UNC5A: variants seen among roughly 807,000 people sequenced by gnomAD.
UNC5A encodes unc-5 netrin receptor A.
A neutral mutation model predicts 87.4 loss-of-function variants in UNC5A; 20 were observed. That is an observed-to-expected ratio of 0.23 (90% CI 0.16 to 0.33). UNC5A has a LOEUF of 0.33. UNC5A is among the 10% of genes least tolerant of loss of function. The pLI is 1.00. For missense variants in UNC5A, 844 were observed against 1,133.4 expected (o/e 0.74, Z 3.67); for synonymous variants, 438 against 482.3 (o/e 0.91, Z 1.20).
At chr5:176,834,116 C>T (rs987389630) in intron 1 of UNC5A, among the ~76,000 whole-genome samples, 16 of 152,174 alleles carry the variant, frequency 1.1e-4, no homozygotes, top group Admixed American at 6.5e-5. Context: ...TGGAGCACCG[C>T]GGAGCTGTGT....
Position 176,869,062 on chromosome 5 carries a change from G to A in UNC5A, c.721+98G>A, listed in dbSNP as rs1758045609. The A allele has an allele frequency of 6.6e-6, 9 of 1,362,730 alleles. No individual in the cohort carries two copies. Among genetic ancestry groups the A allele is most frequent in the Non-Finnish European group, 7.9e-6 (8 of 1,015,640 alleles). 84.4% of individuals were successfully genotyped at this position (1,362,730 alleles called of 1,614,324 possible). A position where few individuals can be genotyped will look rare whatever the true frequency, so the allele number is the denominator to read the frequency against. On this transcript the variant is annotated intron_variant, in intron 5 of 14. Coordinates refer to ENST00000329542, the MANE Select transcript of UNC5A (RefSeq NM_133369.3). The surrounding 1 kb of genome is among the most constrained non-coding windows in gnomAD (Gnocchi z 9.1). ...GGTGAAGAGAGGCCATGAGGCCAAAGCCAGGTGGACCAGATCGTGCCTGAC... is the reference window on the plus strand; with the variant it reads ...GGTGAAGAGAGGCCATGAGGCCAAAACCAGGTGGACCAGATCGTGCCTGAC...
intron 6 of UNC5A, among the ~76,000 whole-genome samples, 182 bp downstream of exon 6, chr5:176,870,716 C>T (rs1758089522): frequency 6.6e-6 from 1 of 151,952 alleles, no homozygotes; most frequent in South Asian, 2.1e-4. Context: ...CGCGCCCCAC[C>T]ACCTCCCATG....
At position 176,846,363 on chromosome 5, in the gene UNC5A, TG is replaced by T. The variant is rs551924209; in HGVS notation, c.71-16255del. 2.5e-3 allele frequency among the ~76,000 whole-genome samples: 348 copies of T among 140,576 alleles called. 3 individuals are homozygous for T. The highest frequency in any genetic ancestry group is 9.7e-3 in the African/African-American group (339 of 35,084). 92.2% of individuals were successfully genotyped at this position (140,576 alleles called of 152,430 possible). ...GAGCCAGGAATGGGATTAAGGTGGG[TG>T]GGGGGAGCTGAGTAGGGAGGGGGAA... On this transcript the variant is annotated intron_variant, in intron 1 of 14. Coordinates refer to ENST00000329542, the MANE Select transcript of UNC5A (RefSeq NM_133369.3).
At chr5:176,852,512 C>T (rs1442629648) in intron 1 of UNC5A, among the ~76,000 whole-genome samples, 1 of 152,218 alleles carries the variant, frequency 6.6e-6, no homozygotes, top group Admixed American at 6.5e-5. Flanking sequence ...TATTTAATTG[C>T]AGCTTATTAA....
intron 1 of UNC5A, among the ~76,000 whole-genome samples, chr5:176,815,704 G>A (rs1756570802): frequency 6.6e-6 from 1 of 152,194 alleles, no homozygotes; most frequent in Non-Finnish European, 1.5e-5. Flanking sequence ...CCGCATCAGG[G>A]CCCGAGCCCA....
rs1371771328 is a variant in UNC5A, at chr5:176,848,589, C to T, written c.71-14035C>T. On this transcript the variant is annotated intron_variant, in intron 1 of 14. Coordinates refer to ENST00000329542, the MANE Select transcript of UNC5A (RefSeq NM_133369.3). This position sits in a 1 kb window ranked among gnomAD's most constrained non-coding sequence, Gnocchi z 5.8. ...TGTCTCATCAGGGGTGTGATGGGAG[C>T]GGCCAGACACCCTATTCCCAGATGG... Among the ~76,000 whole-genome samples, 2 of 152,100 alleles carry T rather than the reference C, an allele frequency of 1.3e-5. No homozygotes were observed. Among genetic ancestry groups the T allele is most frequent in the Non-Finnish European group, 2.9e-5 (2 of 68,016 alleles).
At chr5:176,861,105 C>T (rs1027208542) in intron 1 of UNC5A, among the ~76,000 whole-genome samples, 9 of 152,234 alleles carry the variant, frequency 5.9e-5, no homozygotes, top group African/African-American at 2.2e-4. Flanking sequence ...CCTGCCAGCT[C>T]TGTGCCTCAG....
intron 1 of UNC5A, among the ~76,000 whole-genome samples, chr5:176,830,724 G>A (rs1398605549): frequency 1.4e-5 from 1 of 70,824 alleles, no homozygotes; most frequent in African/African-American, 3.3e-5. Context: ...GTGCTGGCAT[G>A]TATGTGTGGG....
chr5:176,860,628 C>G lies in UNC5A; in HGVS notation c.71-1996C>G, dbSNP rs772227426. ...GGACCCCCTCGGGCCTCAGGTTCCC[C>G]GTCAATAAGGTGTCTTGGTCCCACC... On this transcript the variant is annotated intron_variant, in intron 1 of 14. Transcript: ENST00000329542. Among the ~76,000 whole-genome samples, 13 of 152,052 alleles carry G rather than the reference C, an allele frequency of 8.5e-5. No homozygotes were observed. In the East Asian group the frequency reaches 1.5e-3, roughly 18 times the overall value.
At chr5:176,847,349 G>A (rs1018454002) in intron 1 of UNC5A, among the ~76,000 whole-genome samples, 1 of 152,288 alleles carries the variant, frequency 6.6e-6, no homozygotes, top group East Asian at 1.9e-4. Context: ...GGTCCGGCTG[G>A]CTGACCCCGC....
At chr5:176,862,895 C>T (rs372271999) in intron 2 of UNC5A, 50 bp downstream of exon 2, 63 of 1,603,002 alleles carry the variant, frequency 3.9e-5, no homozygotes, top group African/African-American at 3.6e-4. Context: ...AGGCGAGTTT[C>T]GGCCCCCCCA....
intron 1 of UNC5A, among the ~76,000 whole-genome samples, chr5:176,856,389 C>T (rs1184488462): frequency 2.0e-5 from 3 of 152,192 alleles, no homozygotes; most frequent in African/African-American, 7.2e-5. Flanking sequence ...CTGGGTCTCT[C>T]CACAGACCAG....
chr5:176,870,622 C>T, intron 6 of UNC5A, 88 bp downstream of exon 6: 2 of 1,420,080 alleles, frequency 1.4e-6, no homozygotes, highest in Admixed American at 2.4e-5. Flanking sequence ...GGGAGCTATT[C>T]TCCTGCCAAA....
At chr5:176,833,967 G>A (rs1757087441) in intron 1 of UNC5A, among the ~76,000 whole-genome samples, 1 of 152,050 alleles carries the variant, frequency 6.6e-6, no homozygotes, top group Non-Finnish European at 1.5e-5. Context: ...GCCTCCCAAA[G>A]TGCTGGGATT....
Position 176,878,520 on chromosome 5 carries a change from C to T in UNC5A, c.2065C>T (p.His689Tyr), listed in dbSNP as rs1322632937. 4.3e-6 allele frequency: 7 copies of T among 1,613,262 alleles called. No homozygotes were observed. The highest frequency in any genetic ancestry group is 5.9e-6 in the Non-Finnish European group (7 of 1,179,968). The change falls in exon 13 of 15, where the codon CAC (histidine) becomes TAC (tyrosine). Residue 689 changes from histidine to tyrosine, a missense_variant. Physicochemically the swap from His to Tyr is moderately conservative, Grantham distance 83. Coordinates refer to ENST00000329542, the MANE Select transcript of UNC5A (RefSeq NM_133369.3). ...CTGGAATGGCACGCAGCGGTACTTGCACTGCACCTTCACCCTGGAGCGTGT... is the reference window on the plus strand; with the variant it reads ...CTGGAATGGCACGCAGCGGTACTTGTACTGCACCTTCACCCTGGAGCGTGT... ...HIWNGTQRYL[H>Y]CTFTLERVSP...
chr5:176,870,101 C>T (rs927425699), intron 5 of UNC5A, among the ~76,000 whole-genome samples: 3 of 152,140 alleles, frequency 2.0e-5, no homozygotes, highest in African/African-American at 2.4e-5. Flanking sequence ...AGAGAGCCCT[C>T]GCTGCCCCAG....
chr5:176,858,772 A>AAGGAAGGAAGGAAGGAAGGCAGGCAGGC (rs1304121118), intron 1 of UNC5A, among the ~76,000 whole-genome samples: 5 of 140,140 alleles, frequency 3.6e-5, no homozygotes, highest in African/African-American at 1.4e-4. Flanking sequence ...GGAAGGAAGG[A>AAGGAAGGAAGGAAGGAAGGCAGGCAGGC]AGGCAAGCAA....
intron 6 of UNC5A, 166 bp downstream of exon 6, chr5:176,870,700 C>A: frequency 1.3e-6 from 1 of 742,360 alleles, no homozygotes; most frequent in Non-Finnish European, 2.1e-6. Flanking sequence ...TGCACATGGG[C>A]CCAGGCGCGC....
chr5:176,870,307 A>C, intron 5 of UNC5A, 63 bp from the exon 6 acceptor site: 2 of 1,572,546 alleles, frequency 1.3e-6, no homozygotes, highest in South Asian at 2.3e-5. Flanking sequence ...CCACACTGGC[A>C]GACTGCCGGG....
Sources: gnomAD v4.1 joint callset for allele counts (sites outside exome capture counted in the v4.1 genomes callset) on GRCh38, gnomAD v4.1.1 for gene constraint, Gnocchi (gnomAD v3.1) non-coding constraint, MANE v1.5 for transcripts, NCBI Gene and HGNC (gene_info 2026-07-23, HGNC 2026-07-21) for gene names.